Variants in RHPN2 observed in about 807,000 individuals in gnomAD.
RHPN2 encodes rhophilin-2.
Under a neutral mutation model 79.0 loss-of-function variants are expected in RHPN2, and 40 were observed. The observed-to-expected ratio is 0.51, with a 90% CI of 0.39 to 0.66. RHPN2 has a LOEUF of 0.66. Ranked by LOEUF, RHPN2 falls within the 30% of genes least tolerant of loss-of-function variation. RHPN2 has a pLI of 0.00. For missense variants in RHPN2, 686 were observed against 883.5 expected (o/e 0.78, Z 2.83); for synonymous variants, 285 against 363.5 (o/e 0.78, Z 2.46).
intron 2 of RHPN2, among the ~76,000 whole-genome samples, chr19:33,032,052 A>C (rs1158652819): frequency 5.1e-5 from 5 of 98,136 alleles, no homozygotes; most frequent in Middle Eastern, 0.01. Flanking sequence ...GCAGAGTCTC[A>C]CTCTTTCCCC....
At chr19:33,020,554 C>T (rs1242323563) in intron 4 of RHPN2, among the ~76,000 whole-genome samples, 2 of 150,084 alleles carry the variant, frequency 1.3e-5, no homozygotes, top group African/African-American at 4.9e-5. Context: ...AGGGCAGTGG[C>T]GTGATCTCGG....
chr19:32,983,715 C>T (rs1402823209), intron 14 of RHPN2, among the ~76,000 whole-genome samples: 1 of 150,994 alleles, frequency 6.6e-6, no homozygotes, highest in African/African-American at 2.4e-5. Flanking sequence ...GCAACCTCCA[C>T]CTCCAGGTTC....
At chr19:33,006,105 C>T (rs1447565885) in intron 7 of RHPN2, among the ~76,000 whole-genome samples, 2 of 152,002 alleles carry the variant, frequency 1.3e-5, no homozygotes, top group Non-Finnish European at 2.9e-5. Context: ...ATCTCAAATT[C>T]CTGGGCTCCA....
At chr19:33,061,476 A>ATTT (rs749163139) in intron 1 of RHPN2, among the ~76,000 whole-genome samples, 1 of 135,912 alleles carries the variant, frequency 7.4e-6, no homozygotes, top group African/African-American at 2.7e-5. Context: ...AAGTGCTGGG[A>ATTT]TTTTTTTTTT....
intron 7 of RHPN2, 147 bp from the exon 8 acceptor site, chr19:33,003,147 C>T (rs959720184): frequency 1.4e-6 from 1 of 733,666 alleles, no homozygotes; most frequent in Admixed American, 2.1e-5. Context: ...TCACTTGTAT[C>T]AGGAATTCAA....
At chr19:33,000,669 C>G (rs1971742275) in intron 9 of RHPN2, among the ~76,000 whole-genome samples, 1 of 152,158 alleles carries the variant, frequency 6.6e-6, no homozygotes, top group South Asian at 2.1e-4. Flanking sequence ...TTCAACCACA[C>G]CCTTCGTGGC....
intron 2 of RHPN2, among the ~76,000 whole-genome samples, chr19:33,043,942 A>G (rs140676311): frequency 2.4e-3 from 365 of 152,282 alleles, no homozygotes; most frequent in Non-Finnish European, 4.3e-3. Context: ...AAAATAGACA[A>G]GTCCCAGAGA....
chr19:33,003,089 T>C, intron 7 of RHPN2, 89 bp from the exon 8 acceptor site: 3 of 1,200,132 alleles, frequency 2.5e-6, no homozygotes, highest in Non-Finnish European at 3.6e-6. Flanking sequence ...CCGAGTGCGG[T>C]GGCTCATGCC....
At chr19:33,058,508 G>A (rs1405385123) in intron 1 of RHPN2, among the ~76,000 whole-genome samples, 3 of 152,090 alleles carry the variant, frequency 2.0e-5, no homozygotes, top group Non-Finnish European at 4.4e-5. Context: ...GTCACCAGGC[G>A]CAGTGGCTCA....
chr19:33,061,911 G>T (rs1321080922), intron 1 of RHPN2, among the ~76,000 whole-genome samples: 1 of 151,768 alleles, frequency 6.6e-6, no homozygotes, highest in African/African-American at 2.4e-5. Context: ...CAAGAGATCC[G>T]CCTGCCTCGG....
intron 14 of RHPN2, among the ~76,000 whole-genome samples, chr19:32,982,106 C>G (rs1363823949): frequency 6.6e-6 from 1 of 152,026 alleles, no homozygotes; most frequent in African/African-American, 2.4e-5. Context: ...GACATTGTTC[C>G]TAATATAAAC....
intron 10 of RHPN2, among the ~76,000 whole-genome samples, chr19:32,996,773 C>T (rs1267503273): frequency 6.6e-6 from 1 of 151,970 alleles, no homozygotes; most frequent in Admixed American, 6.6e-5. Context: ...GAGAGAATTT[C>T]GAGCGTTAGC....
chr19:33,008,314 T>C, intron 6 of RHPN2, 134 bp from the exon 7 acceptor site: 5 of 849,080 alleles, frequency 5.9e-6, no homozygotes, highest in Non-Finnish European at 9.1e-6. Context: ...TGCAGTGGTG[T>C]GATCATAGCT....
chr19:33,036,541 C>A (rs1972057034), intron 2 of RHPN2, among the ~76,000 whole-genome samples: 1 of 152,216 alleles, frequency 6.6e-6, no homozygotes, highest in Non-Finnish European at 1.5e-5. Context: ...TTTGGCGACA[C>A]TTGAGGAGCC....
chr19:33,015,259 T>C (rs566862454), intron 4 of RHPN2, among the ~76,000 whole-genome samples: 29 of 151,868 alleles, frequency 1.9e-4, no homozygotes, highest in Non-Finnish European at 3.7e-4. Context: ...ACCCTGTCTC[T>C]ACTAAAAATA....
At chr19:33,056,086 GCTTTT>G (rs1280060212) in intron 1 of RHPN2, among the ~76,000 whole-genome samples, 2 of 149,604 alleles carry the variant, frequency 1.3e-5, no homozygotes, top group Non-Finnish European at 3.0e-5. Context: ...GTTTCCAGCT[GCTTTT>G]CTTTTCTTTT....
At chr19:33,020,394 C>T (rs1338449365) in intron 4 of RHPN2, among the ~76,000 whole-genome samples, 1 of 150,526 alleles carries the variant, frequency 6.6e-6, no homozygotes, top group Admixed American at 6.6e-5. Context: ...GGCACAATCT[C>T]AGCTCACTGC....
chr19:33,021,805 TG>T (rs1971926498), intron 3 of RHPN2, among the ~76,000 whole-genome samples, 159 bp from the exon 4 acceptor site: 3 of 152,060 alleles, frequency 2.0e-5, no homozygotes, highest in African/African-American at 7.2e-5. Flanking sequence ...AGGATGACTC[TG>T]GTCATGCCCC....
At chr19:33,059,703 TC>T (rs1972264159) in intron 1 of RHPN2, among the ~76,000 whole-genome samples, 1 of 151,902 alleles carries the variant, frequency 6.6e-6, no homozygotes, top group Non-Finnish European at 1.5e-5. Context: ...CCTGCCCTTC[TC>T]CCCCTGTACC....
Sources: gnomAD v4.1 joint callset for allele counts (sites outside exome capture counted in the v4.1 genomes callset) on GRCh38, gnomAD v4.1.1 for gene constraint, MANE v1.5 for transcripts, NCBI Gene and HGNC (gene_info 2026-07-23, HGNC 2026-07-21) for gene names.